Variants in LARP1B observed in about 807,000 individuals in gnomAD.
LARP1B encodes the protein La ribonucleoprotein 1B.
Under a neutral mutation model 114.2 loss-of-function variants are expected in LARP1B, and 76 were observed. That is an observed-to-expected ratio of 0.67 (90% CI 0.55 to 0.81). LARP1B has a LOEUF of 0.81. LARP1B is among the 30% of genes least tolerant of loss of function. The pLI is 0.00. For missense variants in LARP1B, 1,014 were observed against 1,075.8 expected, an observed-to-expected ratio of 0.94 and a Z score of 0.80; for synonymous variants, 345 against 348.0, an observed-to-expected ratio of 0.99 and a Z score of 0.10.
At chr4:128,077,686 C>A in intron 3 of LARP1B, 102 bp from the exon 4 acceptor site, 1 of 1,233,966 alleles carries the variant, frequency 8.1e-7, no homozygotes, top group Non-Finnish European at 1.1e-6. Context: ...CAGTTTTTGT[C>A]ATTTGTTTTG....
intron 11 of LARP1B, among the ~76,000 whole-genome samples, chr4:128,138,099 A>C (rs1303146910): frequency 1.3e-5 from 2 of 152,200 alleles, no homozygotes; most frequent in Non-Finnish European, 2.9e-5. Context: ...TAGCAATATA[A>C]ACTCCCATAA....
intron 1 of LARP1B, among the ~76,000 whole-genome samples, chr4:128,070,655 G>A (rs1159737802): frequency 1.3e-5 from 2 of 151,862 alleles, no homozygotes; most frequent in Non-Finnish European, 2.9e-5. Flanking sequence ...GTGAAATTCC[G>A]TCTCAAAAAG....
At chr4:128,145,136 T>G (rs956586638) in intron 11 of LARP1B, among the ~76,000 whole-genome samples, 13 of 152,212 alleles carry the variant, frequency 8.5e-5, no homozygotes, top group African/African-American at 2.9e-4. Context: ...TGTAGACTTA[T>G]TTTACTCTTT....
intron 15 of LARP1B, among the ~76,000 whole-genome samples, chr4:128,182,364 C>T (rs895093772): frequency 2.0e-5 from 3 of 152,070 alleles, no homozygotes; most frequent in Non-Finnish European, 4.4e-5. Context: ...CCTATCTCGG[C>T]CTTCCAAAGT....
chr4:128,069,565 G>A (rs897062028), intron 1 of LARP1B: 1 of 737,906 alleles, frequency 1.4e-6, no homozygotes, highest in African/African-American at 1.7e-5. Context: ...ACTCTCAGAA[G>A]AAAGTGCATT....
chr4:128,114,090 G>C (rs1200035104), intron 9 of LARP1B, among the ~76,000 whole-genome samples: 1 of 152,162 alleles, frequency 6.6e-6, no homozygotes, highest in East Asian at 1.9e-4. Context: ...ACCTTGCTGA[G>C]CCAAGGAAAT....
intron 3 of LARP1B, 27 bp from the exon 4 acceptor site, chr4:128,077,761 C>T (rs1259263218): frequency 2.0e-6 from 3 of 1,488,374 alleles, no homozygotes; most frequent in Non-Finnish European, 2.7e-6. Context: ...TAATGGAAAT[C>T]ATTTCATTCT....
Position 128,082,166 on chromosome 4 carries a change from T to C in LARP1B, c.219T>C (p.Ala73=). The change falls in exon 5 of 20, where the codon GCT becomes GCC. Residue 73 remains alanine (A), a splice_region_variant and synonymous_variant. Coordinates refer to ENST00000326639, the MANE Select transcript of LARP1B (RefSeq NM_018078.4). ...EAQSSNQRKR[A]NKHKWVPLHL... The stretch of plus-strand genomic sequence containing the variant: ...TTAAATGATTTTGTTTTCTTCAAGC[T>C]AATAAGCACAAGTGGGTACCACTCC... The C allele has an allele frequency of 6.2e-7, 1 of 1,609,000 alleles. No individual in the cohort carries two copies.
chr4:128,079,233 T>C (rs1441810534), intron 4 of LARP1B, among the ~76,000 whole-genome samples: 1 of 151,948 alleles, frequency 6.6e-6, no homozygotes, highest in Admixed American at 6.6e-5. Context: ...TAGCTGGGAT[T>C]ACAGGCCCAT....
At chr4:128,096,644 A>G (rs960859477) in intron 7 of LARP1B, among the ~76,000 whole-genome samples, 10 of 150,158 alleles carry the variant, frequency 6.7e-5, no homozygotes, top group African/African-American at 2.0e-4. Flanking sequence ...TCTGTCGCCC[A>G]GGCTGGAGTG....
intron 6 of LARP1B, among the ~76,000 whole-genome samples, chr4:128,219,594 A>G (rs943663262): frequency 8.6e-6 from 1 of 116,916 alleles, no homozygotes; most frequent in Admixed American, 9.4e-5. Context: ...GAATTGAACA[A>G]TGAGATCACA....
intron 5 of LARP1B, among the ~76,000 whole-genome samples, chr4:128,087,824 C>T (rs1774244046): frequency 6.6e-6 from 1 of 151,556 alleles, no homozygotes; most frequent in South Asian, 2.1e-4. Context: ...GGCTGTAGTG[C>T]ACAATGATCA....
At chr4:128,214,275 G>A (rs1369746259), downstream of LARP1B, among the ~76,000 whole-genome samples, 1 of 148,370 alleles carries the variant, frequency 6.7e-6, no homozygotes, top group African/African-American at 2.5e-5. Context: ...AAGCAGCCGG[G>A]AAGCTCGAAC....
chr4:128,155,690 GC>G, intron 11 of LARP1B: 1 of 1,606,024 alleles, frequency 6.2e-7, no homozygotes, highest in Non-Finnish European at 8.5e-7. Flanking sequence ...GAACAGATCA[GC>G]CCGGAGGAAG....
intron 15 of LARP1B, among the ~76,000 whole-genome samples, chr4:128,183,152 C>T (rs1477355941): frequency 6.6e-6 from 1 of 152,086 alleles, no homozygotes; most frequent in African/African-American, 2.4e-5. Flanking sequence ...TACATTTCTG[C>T]AGGTCTAGAT....
At chr4:128,190,520 G>A (rs1368980285) in intron 15 of LARP1B, among the ~76,000 whole-genome samples, 1 of 152,122 alleles carries the variant, frequency 6.6e-6, no homozygotes, top group Non-Finnish European at 1.5e-5. Context: ...GGAGGGACCT[G>A]GTAGGAGGTG....
chr4:128,128,112 C>T (rs991024360), intron 11 of LARP1B, among the ~76,000 whole-genome samples: 14 of 152,226 alleles, frequency 9.2e-5, no homozygotes, highest in African/African-American at 3.4e-4. Context: ...CCCTATCTTA[C>T]ATCATGTATC....
intron 15 of LARP1B, among the ~76,000 whole-genome samples, chr4:128,197,880 C>CTTTTTTTTTTTTTT: frequency 1.1e-5 from 1 of 87,008 alleles, no homozygotes; most frequent in Non-Finnish European, 2.2e-5. Context: ...ACGATTGTAG[C>CTTTTTTTTTTTTTT]TTTTTTTTTT....
chr4:128,221,598 T>C (rs183005857), intron 7 of LARP1B, among the ~76,000 whole-genome samples: 204 of 152,320 alleles, frequency 1.3e-3, no homozygotes, highest in Non-Finnish European at 2.0e-3. Context: ...CAAAATTGAG[T>C]ACCTTTCTCC....
Sources: gnomAD v4.1 joint callset for allele counts (sites outside exome capture counted in the v4.1 genomes callset) on GRCh38, gnomAD v4.1.1 for gene constraint, MANE v1.5 for transcripts, NCBI Gene and HGNC (gene_info 2026-07-23, HGNC 2026-07-21) for gene names.